The following FILIP1L variants were observed in gnomAD, a reference collection of about 807,000 sequenced individuals.
The protein encoded by FILIP1L is filamin A-interacting protein 1-like.
A neutral mutation model predicts 96.6 loss-of-function variants in FILIP1L; 55 were observed. The observed-to-expected ratio is 0.57, with a 90% CI of 0.46 to 0.71. FILIP1L has a LOEUF of 0.71. Ranked by LOEUF, FILIP1L falls within the 30% of genes least tolerant of loss-of-function variation. The pLI, the probability that FILIP1L is intolerant of heterozygous loss-of-function variation, is 0.00. For synonymous variants in FILIP1L, 467 were observed against 473.9 expected, an observed-to-expected ratio of 0.99 and a Z score of 0.19; for missense variants, 1,304 against 1,321.2, an observed-to-expected ratio of 0.99 and a Z score of 0.20.
intron 1 of FILIP1L, among the ~76,000 whole-genome samples, chr3:100,031,314 A>G (rs2065018109): frequency 6.6e-6 from 1 of 152,130 alleles, no homozygotes; most frequent in Non-Finnish European, 1.5e-5. Flanking sequence ...TTAAAACAGT[A>G]GGTTTTAAAC....
intron 4 of FILIP1L, among the ~76,000 whole-genome samples, chr3:99,880,385 A>AAT (rs1010508851): frequency 3.3e-5 from 5 of 152,150 alleles, no homozygotes; most frequent in African/African-American, 7.2e-5. Flanking sequence ...GCAGTAACTG[A>AAT]ATATATATAT....
At chr3:99,860,887 T>C (rs1297967715) in intron 4 of FILIP1L, among the ~76,000 whole-genome samples, 5 of 152,216 alleles carry the variant, frequency 3.3e-5, no homozygotes, top group Admixed American at 3.3e-4. Flanking sequence ...ACCGTGAATA[T>C]TGTGCCTCTC....
intron 1 of FILIP1L, among the ~76,000 whole-genome samples, chr3:100,039,622 G>A (rs751002306): frequency 2.6e-5 from 4 of 152,066 alleles, no homozygotes; most frequent in South Asian, 2.1e-4. Context: ...GAAAAGCATT[G>A]TCCCTAGAGT....
At chr3:100,055,816 C>A (rs1350460405) in intron 1 of FILIP1L, among the ~76,000 whole-genome samples, 1 of 152,102 alleles carries the variant, frequency 6.6e-6, no homozygotes, top group Non-Finnish European at 1.5e-5. Flanking sequence ...TGTACACATT[C>A]TTTCTTGTTT....
Position 99,910,570 on chromosome 3 carries a change from A to G in FILIP1L, c.605+13660T>C, listed in dbSNP as rs1045818422. 1.5e-5 allele frequency among the ~76,000 whole-genome samples: 2 copies of G among 136,694 alleles called. 1 individual carries two copies. The highest frequency in any genetic ancestry group is 1.6e-4 in the Admixed American group (2 of 12,828). The allele number at this position is 136,694 out of a possible 152,430, so 89.7% of individuals were successfully genotyped here. On this transcript the variant is annotated intron_variant, in intron 4 of 5. Coordinates refer to ENST00000477258, the MANE Select transcript of FILIP1L (RefSeq NM_001387850.1). ...ACCCCTTACCACTTTCCAAGGAAAC[A>G]ATTTTTGTAGGTAACCTGGGGAGTA...
intron 1 of FILIP1L, among the ~76,000 whole-genome samples, chr3:100,094,864 T>G (rs971713624): frequency 1.3e-5 from 2 of 151,910 alleles, no homozygotes; most frequent in African/African-American, 4.8e-5. Context: ...GTGTGTGTGT[T>G]TTTTTAGTAG....
chr3:99,853,197 T>TA (rs947652735), intron 4 of FILIP1L, among the ~76,000 whole-genome samples: 6 of 152,074 alleles, frequency 3.9e-5, no homozygotes, highest in Non-Finnish European at 5.9e-5. Flanking sequence ...GTGAAATAGT[T>TA]AAAAAAAACT....
chr3:99,907,233 A>G (rs1299691161), intron 4 of FILIP1L, among the ~76,000 whole-genome samples: 1 of 151,702 alleles, frequency 6.6e-6, no homozygotes, highest in Non-Finnish European at 1.5e-5. Context: ...TTAACTACCT[A>G]TTACCCTTTT....
intron 1 of FILIP1L, among the ~76,000 whole-genome samples, chr3:100,076,048 T>C (rs576840391): frequency 6.6e-6 from 1 of 152,314 alleles, no homozygotes; most frequent in East Asian, 1.9e-4. Flanking sequence ...CTGAGTCTTC[T>C]TTCAACTACA....
intron 1 of FILIP1L, among the ~76,000 whole-genome samples, chr3:100,021,958 T>TGTGTGA (rs2064830866): frequency 1.1e-5 from 1 of 94,880 alleles, no homozygotes; most frequent in African/African-American, 3.8e-5. Context: ...TGTGTGTGTG[T>TGTGTGA]GTGAGAGAGA....
chr3:99,834,739 T>G (rs1942826881), intron 5 of FILIP1L, among the ~76,000 whole-genome samples: 1 of 152,214 alleles, frequency 6.6e-6, no homozygotes. Context: ...ATTCTCAGGC[T>G]TACATCTTAT....
intron 1 of FILIP1L, among the ~76,000 whole-genome samples, chr3:99,982,772 C>A (rs1709165715): frequency 6.6e-6 from 1 of 152,192 alleles, no homozygotes; most frequent in Admixed American, 6.5e-5. Flanking sequence ...GATCCTTCCT[C>A]ATTTTTCAAA....
intron 1 of FILIP1L, among the ~76,000 whole-genome samples, chr3:100,081,537 G>A (rs1576033170): frequency 6.6e-6 from 1 of 152,100 alleles, no homozygotes; most frequent in Non-Finnish European, 1.5e-5. Flanking sequence ...AGGGATTAAC[G>A]ACTCATGAAG....
At chr3:100,019,707 C>G (rs1399011105) in intron 1 of FILIP1L, among the ~76,000 whole-genome samples, 1 of 152,136 alleles carries the variant, frequency 6.6e-6, no homozygotes. Flanking sequence ...TGAATGTATG[C>G]TGATGTATGT....
At chr3:99,983,500 A>G (rs866696764) in intron 1 of FILIP1L, among the ~76,000 whole-genome samples, 7 of 108,906 alleles carry the variant, frequency 6.4e-5, no homozygotes, top group South Asian at 5.9e-4. Context: ...ATATATATAT[A>G]TATATATATG....
intron 1 of FILIP1L, among the ~76,000 whole-genome samples, chr3:99,988,745 C>T (rs1393595041): frequency 6.6e-6 from 1 of 152,154 alleles, no homozygotes; most frequent in Non-Finnish European, 1.5e-5. Context: ...TGGATTGCCT[C>T]TATAACTTTT....
chr3:99,922,820 G>T (rs1322920203), intron 4 of FILIP1L, among the ~76,000 whole-genome samples: 1 of 152,070 alleles, frequency 6.6e-6, no homozygotes, highest in Non-Finnish European at 1.5e-5. Context: ...CTTTTTTGCA[G>T]CCACGCTTCT....
intron 1 of FILIP1L, among the ~76,000 whole-genome samples, chr3:100,089,494 A>G (rs7627991): frequency 0.18 from 27,692 of 152,222 alleles, 2,898 homozygotes; most frequent in South Asian, 0.25. Flanking sequence ...AGATGAAGAT[A>G]TGAAGATTTT....
chr3:100,049,947 A>C (rs2065342068), intron 1 of FILIP1L, among the ~76,000 whole-genome samples: 1 of 152,184 alleles, frequency 6.6e-6, no homozygotes, highest in Non-Finnish European at 1.5e-5. Context: ...AACTGCACAG[A>C]GGGTCAGTGA....
Sources: gnomAD v4.1 joint callset for allele counts (sites outside exome capture counted in the v4.1 genomes callset) on GRCh38, gnomAD v4.1.1 for gene constraint, MANE v1.5 for transcripts, NCBI Gene and HGNC (gene_info 2026-07-23, HGNC 2026-07-21) for gene names.